The following ARPC2 variants were observed in gnomAD, a reference collection of about 807,000 sequenced individuals.
The protein encoded by ARPC2 is actin-related protein 2/3 complex subunit 2.
ARPC2 carries 4 observed loss-of-function variants against 38.6 expected under a neutral mutation model. That is an observed-to-expected ratio of 0.10 (90% confidence interval 0.05 to 0.24). The LOEUF (loss-of-function observed/expected upper bound fraction) is 0.24, where lower values mean the gene tolerates loss of function less well. Among genes scored for constraint, ARPC2 ranks in the 10% least tolerant of loss-of-function variants. ARPC2 has a pLI of 1.00. For missense variants in ARPC2, 229 were observed against 387.3 expected (o/e 0.59, Z 3.43); for synonymous variants, 125 against 140.8 (o/e 0.89, Z 0.79).
At chr2:218,218,462 C>T (rs1191892026) in intron 2 of ARPC2, among the ~76,000 whole-genome samples, 3 of 152,276 alleles carry the variant, frequency 2.0e-5, no homozygotes, top group African/African-American at 4.8e-5. Context: ...CAATCTGCTC[C>T]TCCAAAGCTG....
chr2:218,243,601 C>A (rs189193752), intron 7 of ARPC2, among the ~76,000 whole-genome samples: 1 of 152,122 alleles, frequency 6.6e-6, no homozygotes, highest in Non-Finnish European at 1.5e-5. Context: ...ATGGTGAAAC[C>A]CTGTTTCTAC....
chr2:218,254,137 A>G lies in ARPC2; in HGVS notation c.*222A>G. The G allele has an allele frequency of 1.9e-6, 1 of 531,702 alleles. No individual in the cohort carries two copies. Among genetic ancestry groups the G allele is most frequent in the Non-Finnish European group, 3.3e-6 (1 of 307,530 alleles). The allele number at this position is 531,702 out of a possible 1,614,324, so 32.9% of individuals were successfully genotyped here. On this transcript the variant is annotated 3_prime_UTR_variant, in exon 11 of 11. Transcript: ENST00000315717. ...AAAAAAAAAAAAAGAATTCCACTTG[A>G]TCAACTTAATTCCTTTTCTTTATCT... is the stretch of plus-strand genomic sequence containing the variant.
rs771949190 is a variant in ARPC2 at position 218,232,375 on chromosome 2, C to G, written c.223-1977C>G. Among the ~76,000 whole-genome samples the G allele has an allele frequency of 1.3e-3, 197 of 152,194 alleles. 2 individuals carry two copies. The highest frequency in any genetic ancestry group is 2.6e-3 in the Non-Finnish European group (175 of 68,004). On this transcript the variant is annotated intron_variant, in intron 4 of 10. Coordinates refer to ENST00000315717, the MANE Select transcript of ARPC2 (RefSeq NM_152862.3). The stretch of plus-strand genomic sequence containing the variant: ...GGGAGTCTCAGTCTGTTTTTTGTTG[C>G]TATAACAGAATACCACAGACTGAAT...
At chr2:218,227,951 T>C (rs2106146594) in intron 3 of ARPC2, among the ~76,000 whole-genome samples, 1 of 152,342 alleles carries the variant, frequency 6.6e-6, no homozygotes, top group African/African-American at 2.4e-5. Flanking sequence ...GGCATGACAC[T>C]AGTATCATGG....
chr2:218,236,310 T>C (rs888625348), intron 5 of ARPC2: 1 of 152,158 alleles, frequency 6.6e-6, no homozygotes, highest in Non-Finnish European at 1.5e-5. Flanking sequence ...AAACCTCAGC[T>C]CTAAATCTTT....
chr2:218,217,382 G>C (rs536504719), intron 1 of ARPC2, 81 bp from the exon 2 acceptor site: 7 of 1,352,778 alleles, frequency 5.2e-6, no homozygotes, highest in Admixed American at 5.1e-5. Context: ...CCCCACTCAG[G>C]GGGCAGCAGG....
chr2:218,253,901 T>G lies in ARPC2; in HGVS notation c.889T>G (p.Phe297Val). 1 of 1,613,838 alleles carries G rather than the reference T, an allele frequency of 6.2e-7. No individual in the cohort carries two copies. The highest frequency in any genetic ancestry group is 8.5e-7 in the Non-Finnish European group (1 of 1,179,968). ...TCTCTCCTTTTGAAGGGGGAAGACG[T>G]TTTCATCCCGCTAATCTTGGGAATA... ...KEMKTITGKT[F>V]SSR The change falls in exon 11 of 11, where the codon TTT (phenylalanine) becomes GTT (valine). Residue 297 changes from phenylalanine (F) to valine (V), a missense_variant. Coordinates refer to ENST00000315717, the MANE Select transcript of ARPC2 (RefSeq NM_152862.3).
At chr2:218,239,747 C>G (rs2106154452) in intron 7 of ARPC2, among the ~76,000 whole-genome samples, 2 of 152,042 alleles carry the variant, frequency 1.3e-5, no homozygotes, top group South Asian at 2.1e-4. Context: ...GCATGCACCA[C>G]CACACCCAGC....
chr2:218,217,294 T>G, intron 1 of ARPC2, 40 bp downstream of exon 1: 1 of 624,958 alleles, frequency 1.6e-6, no homozygotes, highest in Non-Finnish European at 2.9e-6. Flanking sequence ...TCTGCGTGCG[T>G]GGGCCAGCGC....
At chr2:218,249,952 T>G (rs770740616) in intron 10 of ARPC2, 31 bp downstream of exon 10, 2 of 1,542,964 alleles carry the variant, frequency 1.3e-6, no homozygotes, top group Non-Finnish European at 1.8e-6. Flanking sequence ...GCGACCACCT[T>G]CCTCTCCTGA....
intron 2 of ARPC2, among the ~76,000 whole-genome samples, chr2:218,218,380 A>T (rs1268485380): frequency 6.6e-6 from 1 of 151,838 alleles, no homozygotes; most frequent in East Asian, 1.9e-4. Flanking sequence ...TTACGATTGG[A>T]CTTTTTAAAA....
intron 7 of ARPC2, 100 bp downstream of exon 7, chr2:218,239,584 G>T: frequency 1.1e-6 from 1 of 930,726 alleles, no homozygotes; most frequent in Non-Finnish European, 1.6e-6. Flanking sequence ...CAACTCTACT[G>T]ATGTTAGAAT....
intron 5 of ARPC2, chr2:218,235,067 A>G: frequency 3.6e-6 from 1 of 281,208 alleles, no homozygotes; most frequent in Middle Eastern, 4.2e-4. Context: ...TTGGAACATA[A>G]TATTTTTTAC....
chr2:218,239,363 T>G lies in ARPC2; in HGVS notation c.456-28T>G, dbSNP rs114702968. On this transcript the variant is annotated intron_variant, in intron 6 of 10. Coordinates refer to ENST00000315717, the MANE Select transcript of ARPC2 (RefSeq NM_152862.3). The stretch of plus-strand genomic sequence containing the variant: ...ACAAAACCCCATTCTGATTCTGTAC[T>G]TATCCTCATGGATTTTGTTCCTCTC... 2.1e-3 allele frequency: 3,189 copies of G among 1,527,436 alleles called. 24 individuals carry two copies. The African/African-American group carries it at 0.027, about 13-fold the overall frequency. The allele number at this position is 1,527,436 out of a possible 1,614,324, so 94.6% of individuals were successfully genotyped here. A position where few individuals can be genotyped will look rare whatever the true frequency, so the allele number is the denominator to read the frequency against.
chr2:218,232,136 G>A (rs942288009), intron 4 of ARPC2, among the ~76,000 whole-genome samples: 5 of 152,152 alleles, frequency 3.3e-5, no homozygotes, highest in Admixed American at 3.3e-4. Flanking sequence ...AGCTACTAGG[G>A]AGGCTGAGGC....
Position 218,254,168 on chromosome 2 carries a change from C to T in ARPC2, c.*253C>T. On this transcript the variant is annotated 3_prime_UTR_variant, in exon 11 of 11. Coordinates refer to ENST00000315717, the MANE Select transcript of ARPC2 (RefSeq NM_152862.3). ...TTAATTCCTTTTCTTTATCTTCCCT[C>T]CCTCACTTCCCTTTTCTCCCACCCT... 1 of 463,250 alleles carries T rather than the reference C, an allele frequency of 2.2e-6. No homozygotes were observed. The highest frequency in any genetic ancestry group is 3.8e-6 in the Non-Finnish European group (1 of 262,350). 28.7% of individuals were successfully genotyped at this position (463,250 alleles called of 1,614,324 possible).
intron 3 of ARPC2, among the ~76,000 whole-genome samples, chr2:218,228,471 A>G (rs912644730): frequency 6.6e-6 from 1 of 152,188 alleles, no homozygotes; most frequent in African/African-American, 2.4e-5. Flanking sequence ...TTCTGCTTAT[A>G]TACATGTAAA....
intron 3 of ARPC2, among the ~76,000 whole-genome samples, 191 bp from the exon 4 acceptor site, chr2:218,228,547 A>G (rs1689561154): frequency 6.6e-6 from 1 of 152,254 alleles, no homozygotes; most frequent in Admixed American, 6.5e-5. Context: ...AAGAAAGAGC[A>G]AAGAAACAAG....
At chr2:218,225,886 C>A in intron 2 of ARPC2, 34 bp from the exon 3 acceptor site, 2 of 1,610,840 alleles carry the variant, frequency 1.2e-6, no homozygotes, top group South Asian at 2.2e-5. Flanking sequence ...GCAATACAGT[C>A]ATCTTAACTG....
Sources: gnomAD v4.1 joint callset for allele counts (sites outside exome capture counted in the v4.1 genomes callset) on GRCh38, gnomAD v4.1.1 for gene constraint, MANE v1.5 for transcripts, NCBI Gene and HGNC (gene_info 2026-07-23, HGNC 2026-07-21) for gene names.